Variants in LINGO1 observed in about 807,000 individuals in gnomAD.
LINGO1 encodes the protein leucine-rich repeat and immunoglobulin-like domain-containing nogo receptor-interacting protein 1.
In LINGO1, 11 loss-of-function variants were observed where a neutral mutation model predicts 37.3. The ratio of observed to expected loss-of-function variants is 0.29; its 90% CI spans 0.19 to 0.49. The LOEUF (loss-of-function observed/expected upper bound fraction) is 0.49. LINGO1 is among the 20% of genes least tolerant of loss of function. The pLI, the probability that LINGO1 is intolerant of heterozygous loss-of-function variation, is 0.99. For missense variants in LINGO1, 585 were observed against 878.2 expected (o/e 0.67, Z 4.22); for synonymous variants, 387 against 403.0 (o/e 0.96, Z 0.48).
chr15:77,707,950 A>G (rs1230456564), intron 2 of LINGO1, among the ~76,000 whole-genome samples: 1 of 152,138 alleles, frequency 6.6e-6, no homozygotes, highest in Non-Finnish European at 1.5e-5. Flanking sequence ...GAGAGAAAGA[A>G]AGAGCTCTCT....
At chr15:77,623,946 G>A (rs572872356) in intron 1 of LINGO1, among the ~76,000 whole-genome samples, 17 of 149,042 alleles carry the variant, frequency 1.1e-4, no homozygotes, top group Non-Finnish European at 1.8e-4. Context: ...TGTATGTGTG[G>A]TGTGTAAGCA....
chr15:77,734,654 C>A (rs1443482160), intron 2 of LINGO1, among the ~76,000 whole-genome samples: 2 of 151,918 alleles, frequency 1.3e-5, no homozygotes, highest in Non-Finnish European at 2.9e-5. Flanking sequence ...CCTCCAGGAT[C>A]CCCAAGTTCA....
At chr15:77,765,369 C>T (rs1317885821) in intron 1 of LINGO1, among the ~76,000 whole-genome samples, 2 of 151,306 alleles carry the variant, frequency 1.3e-5, no homozygotes, top group African/African-American at 2.4e-5. Context: ...GAGCCGAGAC[C>T]GTGCCACTGC....
intron 2 of LINGO1, among the ~76,000 whole-genome samples, chr15:77,719,904 CT>C (rs2076030777): frequency 7.0e-6 from 1 of 142,878 alleles, no homozygotes; most frequent in Non-Finnish European, 1.6e-5. Flanking sequence ...ACACACACAA[CT>C]ATGAGACAGA....
Position 77,632,304 on chromosome 15 carries a change from G to T in LINGO1, c.6+6C>A, listed in dbSNP as rs1004211320. ...CTCGGGGCTCGGCCGCGGCCGCCTG[G>T]CTCACCTGCATCTCGGGCGCGCCTT... is the stretch of plus-strand genomic sequence containing the variant. On this transcript the variant is annotated splice_donor_region_variant and intron_variant, in intron 1 of 1. Transcript: ENST00000355300. This position sits in a 1 kb window ranked among gnomAD's most constrained non-coding sequence, Gnocchi z 6.0. 19 of 1,438,176 alleles carry T rather than the reference G, an allele frequency of 1.3e-5. No individual in the cohort carries two copies. The highest frequency in any genetic ancestry group is 5.0e-5 in the Admixed American group (2 of 40,114). 89.1% of individuals were successfully genotyped at this position (1,438,176 alleles called of 1,614,324 possible).
At chr15:77,814,775 G>A (rs529870185) in intron 1 of LINGO1, among the ~76,000 whole-genome samples, 14 of 152,302 alleles carry the variant, frequency 9.2e-5, no homozygotes, top group South Asian at 2.1e-4. Context: ...AGACTGATTC[G>A]AGGAGCCACT....
intron 2 of LINGO1, among the ~76,000 whole-genome samples, chr15:77,726,645 A>G (rs1187102020): frequency 6.6e-6 from 1 of 152,230 alleles, no homozygotes; most frequent in African/African-American, 2.4e-5. Context: ...ACCACTCCTA[A>G]AATAAAACAT....
intron 1 of LINGO1, among the ~76,000 whole-genome samples, chr15:77,765,674 C>A (rs1388720657): frequency 1.3e-5 from 2 of 152,116 alleles, no homozygotes; most frequent in Non-Finnish European, 2.9e-5. Context: ...CCCAGCCCAC[C>A]CAGCCTGGGT....
chr15:77,670,916 C>T (rs913544592), intron 3 of LINGO1, among the ~76,000 whole-genome samples: 16 of 152,232 alleles, frequency 1.1e-4, no homozygotes, highest in Non-Finnish European at 1.8e-4. Context: ...GGACAAGCAC[C>T]ACCCCTAGCT....
chr15:77,696,594 CT>C (rs1045410649), upstream of LINGO1: 32 of 152,686 alleles, frequency 2.1e-4, no homozygotes, highest in Non-Finnish European at 3.9e-4. Flanking sequence ...GAGGGCCCCC[CT>C]ATCCTCCTCA....
At chr15:77,780,410 G>C (rs2076704177) in intron 1 of LINGO1, among the ~76,000 whole-genome samples, 1 of 152,018 alleles carries the variant, frequency 6.6e-6, no homozygotes, top group African/African-American at 2.4e-5. Context: ...CAAGGTAAGG[G>C]GTTGGAAATG....
rs55718655 is a variant in LINGO1 at position 77,776,530 on chromosome 15, G to A, written c.-257+10339C>T. On this transcript the variant is annotated intron_variant, in intron 1 of 3. Transcript: ENST00000561686. ...GCAGGAAGGCAGGAAGGGAGGAAGG[G>A]AGGGAGGGAGGGAGGGAGGGAGGGA... is the stretch of plus-strand genomic sequence containing the variant. Among the ~76,000 whole-genome samples the A allele has an allele frequency of 2.4e-3, 80 of 33,810 alleles. 1 individual carries two copies. Among genetic ancestry groups the A allele is most frequent in the Non-Finnish European group, 2.9e-3 (44 of 14,996 alleles). The allele number at this position is 33,810 out of a possible 152,430, so 22.2% of individuals were successfully genotyped here.
intron 1 of LINGO1, among the ~76,000 whole-genome samples, chr15:77,778,795 A>G (rs2076686791): frequency 6.6e-6 from 1 of 152,104 alleles, no homozygotes; most frequent in African/African-American, 2.4e-5. Flanking sequence ...TGTCCTCCAC[A>G]TAGCAGCCAG....
intron 1 of LINGO1, among the ~76,000 whole-genome samples, chr15:77,813,451 C>T (rs894489292): frequency 6.6e-6 from 1 of 152,118 alleles, no homozygotes; most frequent in Admixed American, 6.5e-5. Flanking sequence ...GAACGCCAGC[C>T]TGGAGGTAAC....
intron 1 of LINGO1, among the ~76,000 whole-genome samples, chr15:77,745,782 A>C (rs12905542): frequency 0.14 from 21,398 of 152,154 alleles, 1,932 homozygotes; most frequent in African/African-American, 0.26. Flanking sequence ...TGGCTTATCC[A>C]GGGTCGGGCA....
intron 3 of LINGO1, among the ~76,000 whole-genome samples, chr15:77,673,655 T>C (rs1014991310): frequency 2.0e-5 from 3 of 152,212 alleles, no homozygotes; most frequent in Non-Finnish European, 2.9e-5. Flanking sequence ...CATTGGTCTT[T>C]TCTGTCTACT....
At chr15:77,653,992 A>C (rs1460602759) in intron 3 of LINGO1, among the ~76,000 whole-genome samples, 1 of 152,224 alleles carries the variant, frequency 6.6e-6, no homozygotes, top group Non-Finnish European at 1.5e-5. Flanking sequence ...GTGGAACTGC[A>C]GTTCTCTGTC....
At chr15:77,789,126 T>C (rs1258039254), upstream of LINGO1, among the ~76,000 whole-genome samples, 3 of 152,172 alleles carry the variant, frequency 2.0e-5, no homozygotes, top group Non-Finnish European at 4.4e-5. Flanking sequence ...ATCATAGCTC[T>C]AGTCGCCTGC....
intron 2 of LINGO1, among the ~76,000 whole-genome samples, chr15:77,727,891 G>A (rs1045863764): frequency 1.3e-5 from 2 of 152,154 alleles, no homozygotes; most frequent in African/African-American, 4.8e-5. Flanking sequence ...CCTGGCTCCC[G>A]GGGACACTGC....
Sources: gnomAD v4.1 joint callset for allele counts (sites outside exome capture counted in the v4.1 genomes callset) on GRCh38, gnomAD v4.1.1 for gene constraint, Gnocchi (gnomAD v3.1) non-coding constraint, MANE v1.5 for transcripts, NCBI Gene and HGNC (gene_info 2026-07-23, HGNC 2026-07-21) for gene names.